The following TMEM132D variants were observed in gnomAD, a reference collection of about 807,000 sequenced individuals.
TMEM132D encodes the protein transmembrane protein 132D, also known as mature OL transmembrane protein.
A neutral mutation model predicts 62.3 loss-of-function variants in TMEM132D; 21 were observed. The ratio of observed to expected loss-of-function variants is 0.34; its 90% CI spans 0.24 to 0.49. TMEM132D has a LOEUF of 0.49. TMEM132D is among the 20% of genes least tolerant of loss of function. The pLI, the probability that TMEM132D is intolerant of heterozygous loss-of-function variation, is 0.99. For missense variants in TMEM132D, 1,346 were observed against 1,402.8 expected (o/e 0.96, Z 0.65); for synonymous variants, 621 against 575.6 (o/e 1.08, Z -1.13).
intron 5 of TMEM132D, among the ~76,000 whole-genome samples, chr12:129,108,493 T>C (rs1875576014): frequency 6.6e-6 from 1 of 152,156 alleles, no homozygotes; most frequent in Non-Finnish European, 1.5e-5. Flanking sequence ...CTGTTTAGCT[T>C]GTGGCTGGGC....
intron 2 of TMEM132D, among the ~76,000 whole-genome samples, chr12:129,625,770 T>C (rs265622): frequency 0.25 from 37,673 of 152,130 alleles, 4,810 homozygotes; most frequent in Admixed American, 0.29. Flanking sequence ...TTTGTCACTT[T>C]ATACTTGTAG....
chr12:129,126,306 G>A (rs957368307), intron 5 of TMEM132D, among the ~76,000 whole-genome samples: 1 of 151,360 alleles, frequency 6.6e-6, no homozygotes, highest in Admixed American at 6.6e-5. Flanking sequence ...TGTTTTGGTG[G>A]CTCTGTCACC....
chr12:129,395,064 C>A (rs1871384882), intron 3 of TMEM132D, among the ~76,000 whole-genome samples: 1 of 152,158 alleles, frequency 6.6e-6, no homozygotes, highest in South Asian at 2.1e-4. Flanking sequence ...ATAAGTGTTC[C>A]TCCAAAAATG....
At chr12:129,272,192 C>CGGCAGGGACCGCATGCCCTGG (rs1331876730) in intron 4 of TMEM132D, among the ~76,000 whole-genome samples, 2 of 151,830 alleles carry the variant, frequency 1.3e-5, no homozygotes, top group African/African-American at 4.9e-5. Context: ...GTTTTAGGAT[C>CGGCAGGGACCGCATGCCCTGG]GGCAGGGACC....
chr12:129,755,754 A>G (rs1870149074), intron 1 of TMEM132D, among the ~76,000 whole-genome samples: 1 of 152,212 alleles, frequency 6.6e-6, no homozygotes, highest in Non-Finnish European at 1.5e-5. Context: ...CAGAGAAGGT[A>G]AAGCAGATGA....
At chr12:129,672,527 G>A (rs142961319) in intron 2 of TMEM132D, among the ~76,000 whole-genome samples, 45 of 152,276 alleles carry the variant, frequency 3.0e-4, no homozygotes, top group African/African-American at 1.0e-3. Flanking sequence ...GGAAGAATAC[G>A]ATTTAGGTAA....
At chr12:129,512,968 A>C (rs778242117) in intron 3 of TMEM132D, among the ~76,000 whole-genome samples, 27 of 152,244 alleles carry the variant, frequency 1.8e-4, no homozygotes, top group Non-Finnish European at 3.5e-4. Context: ...TTCTGAAGGC[A>C]GGAGTGTCGA....
intron 1 of TMEM132D, among the ~76,000 whole-genome samples, chr12:129,725,754 A>G (rs1183735931): frequency 6.6e-6 from 1 of 152,270 alleles, no homozygotes; most frequent in Non-Finnish European, 1.5e-5. Context: ...TAAGGCAGGC[A>G]TCTGCACAGA....
At chr12:129,463,399 T>A (rs1317104263) in intron 3 of TMEM132D, among the ~76,000 whole-genome samples, 1 of 151,838 alleles carries the variant, frequency 6.6e-6, no homozygotes, top group African/African-American at 2.4e-5. Context: ...GCAAAAAACA[T>A]AAGCAACCCA....
chr12:129,892,572 A>G (rs1045992940), intron 1 of TMEM132D, among the ~76,000 whole-genome samples: 1 of 151,798 alleles, frequency 6.6e-6, no homozygotes, highest in Non-Finnish European at 1.5e-5. Context: ...GACATTCTAT[A>G]CCTTTCATAA....
intron 4 of TMEM132D, among the ~76,000 whole-genome samples, chr12:129,334,207 C>T (rs150464125): frequency 6.1e-4 from 93 of 152,266 alleles, no homozygotes; most frequent in African/African-American, 2.0e-3. Context: ...AAACTGCCTT[C>T]CAGAAAGCTT....
chr12:129,299,523 C>T (rs1881657722), intron 4 of TMEM132D, among the ~76,000 whole-genome samples: 2 of 148,000 alleles, frequency 1.4e-5, no homozygotes, highest in South Asian at 2.1e-4. Context: ...AACTTAAAGA[C>T]TCATTTACAG....
chr12:129,197,886 C>T (rs1878593004), intron 5 of TMEM132D, among the ~76,000 whole-genome samples: 1 of 152,158 alleles, frequency 6.6e-6, no homozygotes. Flanking sequence ...GCAAGCCATA[C>T]ATCCAATAAG....
chr12:129,282,767 C>T (rs996789636), intron 4 of TMEM132D, among the ~76,000 whole-genome samples: 2 of 152,152 alleles, frequency 1.3e-5, no homozygotes, highest in African/African-American at 4.8e-5. Flanking sequence ...CCCAGGAGAC[C>T]TCAAGCGTGC....
intron 5 of TMEM132D, among the ~76,000 whole-genome samples, chr12:129,183,123 T>C (rs1878113497): frequency 6.6e-6 from 1 of 152,142 alleles, no homozygotes; most frequent in Non-Finnish European, 1.5e-5. Context: ...TGTGTTCATA[T>C]CCCTCTGACC....
chr12:129,370,630 C>A (rs1309108502), intron 3 of TMEM132D, among the ~76,000 whole-genome samples: 1 of 152,132 alleles, frequency 6.6e-6, no homozygotes, highest in Non-Finnish European at 1.5e-5. Context: ...TGGAATCAAC[C>A]TAAGTGTTCA....
intron 3 of TMEM132D, among the ~76,000 whole-genome samples, chr12:129,455,445 TA>T (rs1489365914): frequency 6.6e-6 from 1 of 152,226 alleles, no homozygotes; most frequent in African/African-American, 2.4e-5. Flanking sequence ...GTTACTCTTT[TA>T]AAAAACACAG....
At chr12:129,191,460 A>G (rs919520926) in intron 5 of TMEM132D, among the ~76,000 whole-genome samples, 4 of 151,872 alleles carry the variant, frequency 2.6e-5, no homozygotes, top group African/African-American at 9.7e-5. Context: ...AGGAAACTAT[A>G]TATATGAAAC....
At chr12:129,574,076 T>C (rs1366486180) in intron 2 of TMEM132D, among the ~76,000 whole-genome samples, 1 of 151,920 alleles carries the variant, frequency 6.6e-6, no homozygotes, top group Non-Finnish European at 1.5e-5. Context: ...TCATTGTGTG[T>C]AACGTTTACA....
Sources: allele counts gnomAD v4.1 joint callset (sites outside exome capture counted in the v4.1 genomes callset), GRCh38; gene constraint gnomAD v4.1.1; transcripts MANE v1.5; gene names NCBI Gene and HGNC (gene_info 2026-07-23, HGNC 2026-07-21).